CUX1: variants seen among roughly 807,000 people sequenced by gnomAD.
CUX1 encodes cut like homeobox 1.
In CUX1, 31 loss-of-function variants were observed where a neutral mutation model predicts 158.8. The observed-to-expected ratio is 0.20, with a 90% CI of 0.15 to 0.26. The LOEUF (loss-of-function observed/expected upper bound fraction) is 0.26. CUX1 is among the 10% of genes least tolerant of loss of function. CUX1 has a pLI of 1.00. For missense variants in CUX1, 1,589 were observed against 2,014.6 expected (o/e 0.79, Z 4.04); for synonymous variants, 879 against 862.1 (o/e 1.02, Z -0.34).
intron 1 of CUX1, among the ~76,000 whole-genome samples, chr7:101,834,465 G>A (rs2970467): frequency 0.16 from 24,781 of 152,036 alleles, 2,145 homozygotes; most frequent in Non-Finnish European, 0.18. Flanking sequence ...GAGCCACCAC[G>A]CCCAGCCTTA....
chr7:101,975,715 A>G (rs1812579704), intron 2 of CUX1, among the ~76,000 whole-genome samples: 1 of 152,240 alleles, frequency 6.6e-6, no homozygotes, highest in South Asian at 2.1e-4. Flanking sequence ...AAACTCGTCC[A>G]TCAACAGTGA....
In CUX1 at chr7:101,924,406, G is replaced by T. The variant is rs576202810; in HGVS notation, c.141+8181G>T. On this transcript the variant is annotated intron_variant, in intron 2 of 23. Coordinates refer to ENST00000292535, the MANE Select transcript of CUX1 (RefSeq NM_181552.4). ...GACTCCAGTGGACACGTGGTGCACAGGCTGCCCTGAGATAGTCACCAGGGC... is the reference window on the plus strand; with the variant it reads ...GACTCCAGTGGACACGTGGTGCACATGCTGCCCTGAGATAGTCACCAGGGC... Among the ~76,000 whole-genome samples the T allele has an allele frequency of 5.3e-5, 8 of 152,210 alleles. No individual in the cohort carries two copies. The East Asian group carries it at 1.5e-3, about 29-fold the overall frequency.
At chr7:102,088,484 A>T (rs782202914) in intron 4 of CUX1, among the ~76,000 whole-genome samples, 8 of 151,432 alleles carry the variant, frequency 5.3e-5, no homozygotes, top group Non-Finnish European at 8.8e-5. Flanking sequence ...AAAAACAAGA[A>T]TTAGCTGGGT....
intron 4 of CUX1, among the ~76,000 whole-genome samples, chr7:102,075,322 C>T (rs1245984380): frequency 2.6e-5 from 4 of 152,198 alleles, no homozygotes; most frequent in East Asian, 1.9e-4. Context: ...TAATCGCCAC[C>T]GACCCCTCTG....
intron 1 of CUX1, among the ~76,000 whole-genome samples, chr7:101,868,795 G>A (rs570748838): frequency 1.8e-4 from 27 of 152,366 alleles, no homozygotes; most frequent in African/African-American, 6.0e-4. Context: ...ACCCTCTGAC[G>A]TGGGAGTTAA....
chr7:102,181,193 C>T lies in CUX1; in HGVS notation c.1017+2536C>T, dbSNP rs143422553. Among the ~76,000 whole-genome samples, 1,157 of 152,122 alleles carry T rather than the reference C, an allele frequency of 7.6e-3. 6 individuals carry two copies. The highest frequency in any genetic ancestry group is 0.026 in the South Asian group (124 of 4,818). On this transcript the variant is annotated intron_variant, in intron 11 of 23. Transcript: ENST00000292535. ...CGATCTCAGGTGATCCACCCGCCTC[C>T]GCCTCCCAAATGCTGGAATTGCAGG...
chr7:102,096,478 C>T (rs1304998998), intron 4 of CUX1, among the ~76,000 whole-genome samples: 1 of 152,100 alleles, frequency 6.6e-6, no homozygotes, highest in South Asian at 2.1e-4. Flanking sequence ...GAGGCTGAGG[C>T]GGTCAGATCC....
At chr7:101,837,828 CAAAAAAAAAA>C (rs200090006) in intron 1 of CUX1, among the ~76,000 whole-genome samples, 24 of 44,384 alleles carry the variant, frequency 5.4e-4, no homozygotes, top group African/African-American at 1.3e-3. Context: ...GAGACCCTGT[CAAAAAAAAAA>C]AAAAAAAAAA....
At chr7:102,021,244 C>T (rs905534442) in intron 2 of CUX1, among the ~76,000 whole-genome samples, 1 of 152,082 alleles carries the variant, frequency 6.6e-6, no homozygotes, top group Non-Finnish European at 1.5e-5. Context: ...AGGGTTATTT[C>T]CCAGAAAAGT....
At chr7:101,910,102 G>T (rs1160192684) in intron 1 of CUX1, among the ~76,000 whole-genome samples, 1 of 152,050 alleles carries the variant, frequency 6.6e-6, no homozygotes, top group Admixed American at 6.6e-5. Context: ...TGTATTTTTA[G>T]TAGAGATGGG....
At chr7:102,246,878 C>T (rs1263751377) in intron 23 of CUX1, among the ~76,000 whole-genome samples, 4 of 152,176 alleles carry the variant, frequency 2.6e-5, no homozygotes, top group African/African-American at 9.7e-5. Context: ...CCTCAGAAAG[C>T]CTTATTGGCC....
At chr7:101,867,634 G>T (rs1038057640) in intron 1 of CUX1, among the ~76,000 whole-genome samples, 6 of 152,194 alleles carry the variant, frequency 3.9e-5, no homozygotes, top group African/African-American at 1.4e-4. Context: ...GCTGCTGCCC[G>T]TGGTGGCTCC....
At chr7:101,862,375 A>G (rs1231544024) in intron 1 of CUX1, among the ~76,000 whole-genome samples, 1 of 151,744 alleles carries the variant, frequency 6.6e-6, no homozygotes. Context: ...CGTAGGCGGG[A>G]CTTGCACGCT....
At chr7:102,209,068 A>T (rs1796254340) in intron 20 of CUX1, among the ~76,000 whole-genome samples, 1 of 152,126 alleles carries the variant, frequency 6.6e-6, no homozygotes, top group Non-Finnish European at 1.5e-5. Context: ...TACCATGGTG[A>T]TCAGGTGCCC....
chr7:101,878,712 G>A (rs1423884871), intron 1 of CUX1, among the ~76,000 whole-genome samples: 1 of 151,168 alleles, frequency 6.6e-6, no homozygotes, highest in African/African-American at 2.4e-5. Context: ...TTTCACTGTC[G>A]CCGAGGCTGA....
At chr7:102,194,051 C>CTTT in intron 13 of CUX1, 161 bp downstream of exon 13, 1 of 575,946 alleles carries the variant, frequency 1.7e-6, no homozygotes, top group Non-Finnish European at 3.0e-6. Context: ...AGCAAATTAT[C>CTTT]TTTTTTTTTT....
intron 1 of CUX1, among the ~76,000 whole-genome samples, chr7:101,899,101 G>A (rs1320109665): frequency 6.6e-6 from 1 of 152,230 alleles, no homozygotes; most frequent in Non-Finnish European, 1.5e-5. Context: ...GTTGCTTCCT[G>A]TTGCTGCATG....
intron 1 of CUX1, among the ~76,000 whole-genome samples, chr7:101,836,956 G>GC (rs1794704311): frequency 6.6e-6 from 1 of 152,160 alleles, no homozygotes; most frequent in African/African-American, 2.4e-5. Context: ...GTCCTGCAGT[G>GC]CCCCGTCCCC....
At chr7:101,937,133 A>ATGTCTC (rs538216647) in intron 2 of CUX1, among the ~76,000 whole-genome samples, 45 of 152,180 alleles carry the variant, frequency 3.0e-4, no homozygotes, top group African/African-American at 1.1e-3. Flanking sequence ...CTGTGTTTGC[A>ATGTCTC]TGTCTCTGTC....
Sources: allele counts gnomAD v4.1 joint callset (sites outside exome capture counted in the v4.1 genomes callset), GRCh38; gene constraint gnomAD v4.1.1; transcripts MANE v1.5; gene names NCBI Gene and HGNC (gene_info 2026-07-23, HGNC 2026-07-21).